Variants in NPAS3 observed in about 807,000 individuals in gnomAD.
The protein encoded by NPAS3 is neuronal PAS domain protein 3, also known as neuronal PAS domain-containing protein 3.
In NPAS3, 14 loss-of-function variants were observed where a neutral mutation model predicts 73.1. That is an observed-to-expected ratio of 0.19 (90% confidence interval 0.13 to 0.30). The LOEUF (loss-of-function observed/expected upper bound fraction) is 0.30, where lower values mean the gene tolerates loss of function less well. Among genes scored for constraint, NPAS3 ranks in the 10% least tolerant of loss-of-function variants. The pLI, the probability that NPAS3 is intolerant of heterozygous loss-of-function variation, is 1.00. For missense variants in NPAS3, 1,096 were observed against 1,250.0 expected (o/e 0.88, Z 1.86); for synonymous variants, 620 against 541.5 (o/e 1.14, Z -2.01).
intron 1 of NPAS3, among the ~76,000 whole-genome samples, chr14:33,008,415 T>C (rs996682168): frequency 1.3e-5 from 2 of 152,200 alleles, no homozygotes; most frequent in African/African-American, 4.8e-5. Context: ...TATTTGTGAA[T>C]TTATATAAAG....
rs530525441 is a variant in NPAS3, at chr14:32,940,194, A to C, written c.50+828A>C. Among the ~76,000 whole-genome samples, 4 of 152,372 alleles carry C rather than the reference A, an allele frequency of 2.6e-5. No individual in the cohort carries two copies. In the South Asian group the frequency reaches 6.2e-4, roughly 24 times the overall value. ...CTGTTTGGGGATCTGTGTTTTAAAA[A>C]GTTCCTGGTGAGAATTGCATATCCA... On this transcript the variant is annotated intron_variant, in intron 1 of 11. Transcript: ENST00000356141.
At chr14:33,163,598 A>G (rs1402315624) in intron 2 of NPAS3, among the ~76,000 whole-genome samples, 1 of 151,716 alleles carries the variant, frequency 6.6e-6, no homozygotes, top group Non-Finnish European at 1.5e-5. Flanking sequence ...CACACTTAAG[A>G]ATACTTAAGC....
chr14:33,291,258 C>G (rs2042088345), intron 3 of NPAS3, among the ~76,000 whole-genome samples: 1 of 152,032 alleles, frequency 6.6e-6, no homozygotes. Context: ...AAGAGAGAAG[C>G]ATTATTGAGG....
At chr14:33,113,237 G>A (rs1314029871) in intron 2 of NPAS3, among the ~76,000 whole-genome samples, 1 of 152,152 alleles carries the variant, frequency 6.6e-6, no homozygotes, top group East Asian at 1.9e-4. Flanking sequence ...GGATGGCATT[G>A]AATCTATAAA....
At chr14:33,210,779 C>G (rs965209440) in intron 2 of NPAS3, among the ~76,000 whole-genome samples, 16 of 151,964 alleles carry the variant, frequency 1.1e-4, no homozygotes, top group East Asian at 3.9e-4. Flanking sequence ...AAAAAAAAGG[C>G]TCCTTATGAT....
intron 4 of NPAS3, among the ~76,000 whole-genome samples, chr14:33,559,027 G>A (rs1193834170): frequency 1.3e-5 from 2 of 152,194 alleles, no homozygotes; most frequent in African/African-American, 4.8e-5. Context: ...CAGTTTGAAT[G>A]CTGTATTGCA....
intron 4 of NPAS3, among the ~76,000 whole-genome samples, chr14:33,555,201 G>A (rs2055298593): frequency 6.6e-6 from 1 of 152,148 alleles, no homozygotes. Flanking sequence ...TCTTTAAAAT[G>A]TCTGTTTTAC....
intron 2 of NPAS3, among the ~76,000 whole-genome samples, chr14:33,175,463 A>T (rs1346715177): frequency 6.6e-6 from 1 of 152,190 alleles, no homozygotes; most frequent in East Asian, 1.9e-4. Context: ...TTTCAAAAGG[A>T]AACAAAATAA....
At chr14:32,988,356 A>ATT (rs1566436188) in intron 1 of NPAS3, among the ~76,000 whole-genome samples, 2 of 152,220 alleles carry the variant, frequency 1.3e-5, no homozygotes, top group African/African-American at 4.8e-5. Flanking sequence ...TTCTCAGTAA[A>ATT]ACTAAATTAT....
At chr14:33,433,546 G>T (rs760095036) in intron 4 of NPAS3, among the ~76,000 whole-genome samples, 1 of 152,198 alleles carries the variant, frequency 6.6e-6, no homozygotes, top group Non-Finnish European at 1.5e-5. Flanking sequence ...TGGGCTGCTG[G>T]AATGTTCTCC....
At chr14:33,446,400 C>T (rs1459478094) in intron 4 of NPAS3, among the ~76,000 whole-genome samples, 3 of 151,910 alleles carry the variant, frequency 2.0e-5, no homozygotes, top group East Asian at 3.9e-4. Flanking sequence ...TGGTCTCGAT[C>T]TCCTGACCTC....
At chr14:33,294,655 T>C (rs1047155366) in intron 3 of NPAS3, among the ~76,000 whole-genome samples, 2 of 152,222 alleles carry the variant, frequency 1.3e-5, no homozygotes, top group Admixed American at 6.5e-5. Flanking sequence ...AAATAAACTA[T>C]TTAGAGTAAA....
chr14:33,495,484 T>C (rs2052131763), intron 4 of NPAS3, among the ~76,000 whole-genome samples: 1 of 152,106 alleles, frequency 6.6e-6, no homozygotes, highest in Admixed American at 6.6e-5. Flanking sequence ...AGATGTCTAC[T>C]AGATCCTCTT....
chr14:33,383,640 A>G (rs963275608), intron 4 of NPAS3, among the ~76,000 whole-genome samples: 3 of 152,186 alleles, frequency 2.0e-5, no homozygotes, highest in African/African-American at 4.8e-5. Flanking sequence ...TATCACAGTG[A>G]TGATTAACTG....
intron 7 of NPAS3, among the ~76,000 whole-genome samples, chr14:33,763,548 G>C (rs548364656): frequency 2.6e-5 from 4 of 152,300 alleles, no homozygotes; most frequent in African/African-American, 7.2e-5. Flanking sequence ...GGCCTCAGAT[G>C]CAGTGTAGTC....
chr14:33,697,331 A>G (rs1389422116), intron 6 of NPAS3, among the ~76,000 whole-genome samples: 22 of 152,226 alleles, frequency 1.4e-4, no homozygotes, highest in Admixed American at 1.4e-3. Flanking sequence ...AGCTTACATA[A>G]CAGAGAAGAA....
At chr14:33,617,227 C>G (rs910484545) in intron 5 of NPAS3, among the ~76,000 whole-genome samples, 1 of 152,176 alleles carries the variant, frequency 6.6e-6, no homozygotes, top group African/African-American at 2.4e-5. Flanking sequence ...CCAGCATGAT[C>G]AAGTTTTCAA....
At position 32,992,402 on chromosome 14, in the gene NPAS3, A is replaced by G. The variant is rs1595170697; in HGVS notation, c.50+53036A>G. ...TAGTTATGGTAGAAATTTCATAGGT[A>G]TTTAATTTCCAGGTATTTGGGGTAG... On this transcript the variant is annotated intron_variant, in intron 1 of 11. Coordinates refer to ENST00000356141, the Ensembl canonical transcript of NPAS3. Among the ~76,000 whole-genome samples the G allele has an allele frequency of 2.0e-5, 3 of 152,242 alleles. No homozygotes were observed. The South Asian group carries it at 6.2e-4, about 32-fold the overall frequency.
intron 3 of NPAS3, among the ~76,000 whole-genome samples, chr14:33,227,335 G>C (rs2047672156): frequency 6.6e-6 from 1 of 152,164 alleles, no homozygotes; most frequent in Admixed American, 6.5e-5. Flanking sequence ...GACTGAATTT[G>C]TTGCTATACG....
Sources: allele counts gnomAD v4.1 joint callset (sites outside exome capture counted in the v4.1 genomes callset), GRCh38; gene constraint gnomAD v4.1.1; transcripts MANE v1.5; gene names NCBI Gene and HGNC (gene_info 2026-07-23, HGNC 2026-07-21).